Variants in GBE1 observed in about 807,000 individuals in gnomAD.
GBE1 encodes the protein 1,4-alpha-glucan-branching enzyme.
Under a neutral mutation model 88.8 loss-of-function variants are expected in GBE1, and 70 were observed. The ratio of observed to expected loss-of-function variants is 0.79; its 90% CI spans 0.65 to 0.96. GBE1 has a LOEUF of 0.96. Among genes scored for constraint, GBE1 ranks in the 40% least tolerant of loss-of-function variants. The pLI is 0.00. For synonymous variants in GBE1, 284 were observed against 300.1 expected (o/e 0.95, Z 0.56); for missense variants, 872 against 871.0 (o/e 1.00, Z -0.01).
chr3:81,739,769 T>C (rs568601965), intron 1 of GBE1, among the ~76,000 whole-genome samples: 2 of 152,322 alleles, frequency 1.3e-5, no homozygotes. Context: ...CCTTGGCTTA[T>C]CATCCTTTGA....
At chr3:81,608,094 A>C (rs894625732) in intron 7 of GBE1, among the ~76,000 whole-genome samples, 2 of 152,204 alleles carry the variant, frequency 1.3e-5, no homozygotes, top group African/African-American at 4.8e-5. Context: ...TAAACTGGAT[A>C]CTCACTGAAA....
intron 12 of GBE1, among the ~76,000 whole-genome samples, chr3:81,542,731 A>G (rs1703157879): frequency 6.6e-6 from 1 of 152,052 alleles, no homozygotes. Context: ...GAGGGCTGAA[A>G]AACAACCTAT....
chr3:81,751,859 A>T (rs1706532028), intron 1 of GBE1, among the ~76,000 whole-genome samples: 1 of 152,230 alleles, frequency 6.6e-6, no homozygotes, highest in African/African-American at 2.4e-5. Context: ...TCATAATTAA[A>T]TATAACCTGT....
chr3:81,564,499 T>C (rs1703465530), intron 12 of GBE1, among the ~76,000 whole-genome samples: 1 of 152,100 alleles, frequency 6.6e-6, no homozygotes, highest in Non-Finnish European at 1.5e-5. Context: ...ATAGTTAGGT[T>C]CAGTTGCTTC....
At chr3:81,509,063 T>C (rs888567898) in intron 14 of GBE1, among the ~76,000 whole-genome samples, 7 of 152,136 alleles carry the variant, frequency 4.6e-5, no homozygotes, top group Non-Finnish European at 7.4e-5. Context: ...CTCACTTAAA[T>C]TGCTGTCTCA....
intron 12 of GBE1, among the ~76,000 whole-genome samples, chr3:81,566,200 A>G (rs1335978159): frequency 2.0e-5 from 3 of 152,090 alleles, no homozygotes; most frequent in South Asian, 2.1e-4. Context: ...ATCTTTTACG[A>G]CCTCTTAAAA....
rs537849731 is a variant in GBE1, at chr3:81,724,706, GAAAGA to G, written c.144-19098_144-19094del. Among the ~76,000 whole-genome samples the G allele has an allele frequency of 5.3e-3, 799 of 151,634 alleles. 7 individuals are homozygous for G. The highest frequency in any genetic ancestry group is 5.4e-3 in the Non-Finnish European group (368 of 67,916). On this transcript the variant is annotated intron_variant, in intron 1 of 15. Transcript: ENST00000429644. ...ACATGAAAATGTGATGTCTTTCATT[GAAAGA>G]AAAGAAATTTCATTCACCAAAAGCA...
At chr3:81,722,867 T>C (rs1471669135) in intron 1 of GBE1, among the ~76,000 whole-genome samples, 4 of 145,570 alleles carry the variant, frequency 2.7e-5, no homozygotes, top group African/African-American at 1.0e-4. Flanking sequence ...GGTATGTGCA[T>C]GGGCACACAC....
At chr3:81,717,235 G>A (rs1327658799) in intron 1 of GBE1, among the ~76,000 whole-genome samples, 1 of 152,096 alleles carries the variant, frequency 6.6e-6, no homozygotes, top group Non-Finnish European at 1.5e-5. Context: ...CCAGCTCTTG[G>A]CTCAAATAAC....
At chr3:81,725,708 T>C (rs1210904531) in intron 1 of GBE1, among the ~76,000 whole-genome samples, 3 of 152,210 alleles carry the variant, frequency 2.0e-5, no homozygotes, top group African/African-American at 7.2e-5. Flanking sequence ...AGAAACACAT[T>C]AGTGCATTGC....
At chr3:81,545,479 G>C (rs1485153684) in intron 12 of GBE1, among the ~76,000 whole-genome samples, 1 of 152,102 alleles carries the variant, frequency 6.6e-6, no homozygotes, top group Non-Finnish European at 1.5e-5. Flanking sequence ...TGAGAGAAAG[G>C]ATGACATGCT....
At chr3:81,513,455 C>A (rs1034607794) in intron 14 of GBE1, among the ~76,000 whole-genome samples, 1 of 151,338 alleles carries the variant, frequency 6.6e-6, no homozygotes, top group Admixed American at 6.6e-5. Context: ...ACACTATGTG[C>A]TAGAGGGCAA....
At chr3:81,704,819 C>T (rs1327046692) in intron 2 of GBE1, among the ~76,000 whole-genome samples, 2 of 152,046 alleles carry the variant, frequency 1.3e-5, no homozygotes, top group East Asian at 3.9e-4. Flanking sequence ...ATTTACATTA[C>T]AGTCCTTCCT....
At chr3:81,642,684 C>A in intron 7 of GBE1, 97 bp downstream of exon 7, 1 of 768,318 alleles carries the variant, frequency 1.3e-6, no homozygotes, top group Non-Finnish European at 2.2e-6. Context: ...CATTAAGTAC[C>A]AGTGAGAGAG....
intron 6 of GBE1, among the ~76,000 whole-genome samples, chr3:81,643,699 C>T (rs796317295): frequency 2.0e-5 from 3 of 152,278 alleles, no homozygotes; most frequent in African/African-American, 7.2e-5. Flanking sequence ...CTCTCTTCCT[C>T]ACTCGACTAT....
intron 14 of GBE1, among the ~76,000 whole-genome samples, chr3:81,513,485 A>T (rs932300544): frequency 6.6e-6 from 1 of 151,552 alleles, no homozygotes; most frequent in Non-Finnish European, 1.5e-5. Context: ...GTTCTGTCTT[A>T]GGAAAATCAA....
chr3:81,504,187 T>G (rs1702625531), intron 14 of GBE1, among the ~76,000 whole-genome samples: 1 of 152,062 alleles, frequency 6.6e-6, no homozygotes, highest in South Asian at 2.1e-4. Flanking sequence ...CATGAGATCT[T>G]AAGGGGACAA....
chr3:81,677,224 G>A (rs952687020), intron 2 of GBE1, among the ~76,000 whole-genome samples: 1 of 152,156 alleles, frequency 6.6e-6, no homozygotes, highest in Non-Finnish European at 1.5e-5. Flanking sequence ...ATGTGCTAAA[G>A]AGTTTGGTTT....
At chr3:81,578,242 T>C (rs1703675655) in intron 11 of GBE1, 146 bp from the exon 12 acceptor site, 1 of 619,880 alleles carries the variant, frequency 1.6e-6, no homozygotes, top group Admixed American at 3.9e-5. Context: ...TATTTTCCAC[T>C]GGTGATTTTC....
Sources: allele counts gnomAD v4.1 joint callset (sites outside exome capture counted in the v4.1 genomes callset), GRCh38; gene constraint gnomAD v4.1.1; transcripts MANE v1.5; gene names NCBI Gene and HGNC (gene_info 2026-07-23, HGNC 2026-07-21).